NEK5: variants seen among roughly 807,000 people sequenced by gnomAD.
NEK5 encodes the protein serine/threonine-protein kinase Nek5.
Under a neutral mutation model 109.2 loss-of-function variants are expected in NEK5, and 88 were observed. The observed-to-expected ratio is 0.81, with a 90% CI of 0.68 to 0.96. NEK5 has a LOEUF of 0.96. Among genes scored for constraint, NEK5 ranks in the 40% least tolerant of loss-of-function variants. The probability of loss-of-function intolerance (pLI) is 0.00; values close to 1 mark genes in which losing one functional copy is unlikely to be tolerated. For missense variants in NEK5, 834 were observed against 920.7 expected (o/e 0.91, Z 1.22); for synonymous variants, 283 against 299.9 (o/e 0.94, Z 0.58).
intron 3 of NEK5, 84 bp downstream of exon 3, chr13:52,127,282 A>C: frequency 1.3e-6 from 1 of 782,754 alleles, no homozygotes; most frequent in East Asian, 2.5e-5. Context: ...AAATTATAAA[A>C]AATAAAAATT....
intron 23 of NEK5, among the ~76,000 whole-genome samples, chr13:52,037,698 C>T (rs1210569434): frequency 2.0e-5 from 3 of 152,096 alleles, no homozygotes; most frequent in African/African-American, 4.8e-5. Flanking sequence ...CCGAGGCGGG[C>T]GGATCACGAG....
chr13:52,104,649 T>C, intron 8 of NEK5, 97 bp from the exon 9 acceptor site: 1 of 814,506 alleles, frequency 1.2e-6, no homozygotes, highest in Admixed American at 2.1e-5. Context: ...CGCTTTACAA[T>C]TTTATGTAAG....
chr13:52,066,013 GAA>G (rs60534347), intron 20 of NEK5, among the ~76,000 whole-genome samples: 8 of 149,624 alleles, frequency 5.3e-5, no homozygotes, highest in Non-Finnish European at 7.4e-5. Flanking sequence ...GTAGGTAGAA[GAA>G]AAAAAAAAAT....
intron 3 of NEK5, among the ~76,000 whole-genome samples, chr13:52,124,681 A>G (rs1956031139): frequency 1.3e-5 from 2 of 152,228 alleles, no homozygotes; most frequent in Admixed American, 1.3e-4. Context: ...TTGATTTAAT[A>G]AAAGGCTAAC....
intron 4 of NEK5, among the ~76,000 whole-genome samples, chr13:52,112,687 T>C (rs1049387066): frequency 1.3e-5 from 2 of 152,202 alleles, no homozygotes; most frequent in African/African-American, 4.8e-5. Flanking sequence ...TTTGAGAGGT[T>C]AGAAATCTGC....
chr13:52,055,142 C>A (rs552875504), intron 22 of NEK5, among the ~76,000 whole-genome samples: 1 of 151,874 alleles, frequency 6.6e-6, no homozygotes, highest in Non-Finnish European at 1.5e-5. Flanking sequence ...TCGAGAACTA[C>A]GTGAAGAATG....
At chr13:52,105,143 A>G (rs1278314647) in intron 8 of NEK5, among the ~76,000 whole-genome samples, 7 of 152,220 alleles carry the variant, frequency 4.6e-5, no homozygotes, top group African/African-American at 1.7e-4. Flanking sequence ...AGATCAAAAA[A>G]TGTCTAATCA....
At chr13:52,062,166 T>A (rs912864365) in intron 21 of NEK5, 2 of 152,210 alleles carry the variant, frequency 1.3e-5, no homozygotes, top group African/African-American at 4.8e-5. Flanking sequence ...TTTGGTGTGA[T>A]AACAATTTTT....
At chr13:52,045,323 G>T (rs1315146440) in intron 23 of NEK5, among the ~76,000 whole-genome samples, 5 of 149,414 alleles carry the variant, frequency 3.3e-5, no homozygotes, top group Admixed American at 3.3e-4. Context: ...GTAGAGATGG[G>T]GTTTCACCGT....
intron 18 of NEK5, 23 bp from the exon 19 acceptor site, chr13:52,075,849 A>G: frequency 6.7e-7 from 1 of 1,488,668 alleles, no homozygotes; most frequent in Non-Finnish European, 9.0e-7. Flanking sequence ...AAAAAAAAAA[A>G]AAAAGTTTAG....
chr13:52,080,762 C>G (rs904242046), intron 17 of NEK5, among the ~76,000 whole-genome samples: 8 of 151,718 alleles, frequency 5.3e-5, no homozygotes, highest in African/African-American at 1.9e-4. Context: ...TGCGGAAGGC[C>G]GCAGGGTCCT....
At chr13:52,059,814 G>A (rs560790115) in intron 22 of NEK5, among the ~76,000 whole-genome samples, 113 of 151,850 alleles carry the variant, frequency 7.4e-4, no homozygotes, top group African/African-American at 2.6e-3. Flanking sequence ...TGGGGTGGGG[G>A]GACGGGGGAG....
chr13:52,119,425 A>G lies in NEK5; in HGVS notation c.118-10T>C, dbSNP rs771482356. On this transcript the variant is annotated splice_polypyrimidine_tract_variant and intron_variant, in intron 3 of 23. Coordinates refer to ENST00000684899, the MANE Select transcript of NEK5 (RefSeq NM_001365552.1). Reference sequence around the variant, plus strand: ...TTTCTTGTATGGGCATCTAAATTACATTAAGAGACAGAGTAGTCTATAAAG... The same window carrying G: ...TTTCTTGTATGGGCATCTAAATTACGTTAAGAGACAGAGTAGTCTATAAAG... 13 of 1,430,650 alleles carry G rather than the reference A, an allele frequency of 9.1e-6. No individual in the cohort carries two copies. The highest frequency in any genetic ancestry group is 1.3e-5 in the Non-Finnish European group (13 of 1,023,952). The allele number at this position is 1,430,650 out of a possible 1,614,324, so 88.6% of individuals were successfully genotyped here.
chr13:52,122,476 G>C (rs551289664), intron 3 of NEK5, among the ~76,000 whole-genome samples: 44 of 152,194 alleles, frequency 2.9e-4, no homozygotes, highest in African/African-American at 9.9e-4. Flanking sequence ...TGTTACAAAA[G>C]AGTATACCTG....
chr13:52,093,278 G>A, intron 12 of NEK5, 43 bp from the exon 13 acceptor site: 1 of 1,493,334 alleles, frequency 6.7e-7, no homozygotes, highest in Non-Finnish European at 9.3e-7. Context: ...CCATAATACA[G>A]GCTGGGTGCA....
intron 23 of NEK5, 35 bp from the exon 24 acceptor site, chr13:52,037,253 T>C (rs1055364068): frequency 1.1e-6 from 1 of 931,670 alleles, no homozygotes; most frequent in Non-Finnish European, 1.3e-6. Context: ...AGCATTATGA[T>C]ATGAAAGTAC....
chr13:52,089,364 G>T (rs1958445068), intron 13 of NEK5, 51 bp from the exon 14 acceptor site: 2 of 1,124,606 alleles, frequency 1.8e-6, no homozygotes, highest in African/African-American at 1.5e-5. Context: ...CAAATCTTAG[G>T]CACCAATTTG....
chr13:52,122,377 T>C (rs1293140471), intron 3 of NEK5, among the ~76,000 whole-genome samples: 1 of 152,180 alleles, frequency 6.6e-6, no homozygotes, highest in Non-Finnish European at 1.5e-5. Context: ...TGTGAACACA[T>C]TTAATATCAT....
chr13:52,112,233 T>C (rs779589260), intron 5 of NEK5, 35 bp downstream of exon 5: 1 of 1,116,638 alleles, frequency 9.0e-7, no homozygotes, highest in South Asian at 1.3e-5. Flanking sequence ...CCACCACACA[T>C]ACATAAAATT....
Sources: gnomAD v4.1 joint callset for allele counts (sites outside exome capture counted in the v4.1 genomes callset) on GRCh38, gnomAD v4.1.1 for gene constraint, MANE v1.5 for transcripts, NCBI Gene and HGNC (gene_info 2026-07-23, HGNC 2026-07-21) for gene names.